The following EIF2AK4 variants were observed in gnomAD, a reference collection of about 807,000 sequenced individuals.
The protein encoded by EIF2AK4 is eIF-2-alpha kinase GCN2.
Under a neutral mutation model 211.1 loss-of-function variants are expected in EIF2AK4, and 139 were observed. The observed-to-expected ratio is 0.66, with a 90% CI of 0.57 to 0.76. The LOEUF (loss-of-function observed/expected upper bound fraction) is 0.76. Among genes scored for constraint, EIF2AK4 ranks in the 30% least tolerant of loss-of-function variants. EIF2AK4 has a pLI of 0.00. For missense variants in EIF2AK4, 1,664 were observed against 2,043.8 expected (o/e 0.81, Z 3.58); for synonymous variants, 710 against 751.3 (o/e 0.94, Z 0.90).
At chr15:40,022,415 A>T in intron 31 of EIF2AK4, 104 bp from the exon 32 acceptor site, 1 of 962,856 alleles carries the variant, frequency 1.0e-6, no homozygotes. Context: ...TTAGTAATTC[A>T]CATTGAGAAT....
chr15:39,970,299 C>G (rs1329015454), intron 9 of EIF2AK4, among the ~76,000 whole-genome samples: 1 of 152,056 alleles, frequency 6.6e-6, no homozygotes, highest in Non-Finnish European at 1.5e-5. Context: ...CTTAAAAATA[C>G]TGTGCATTCT....
chr15:39,948,340 C>G (rs576117633), intron 3 of EIF2AK4, among the ~76,000 whole-genome samples: 5 of 152,314 alleles, frequency 3.3e-5, no homozygotes, highest in African/African-American at 1.2e-4. Flanking sequence ...TTATGTTCCT[C>G]ATCCACCAAA....
At chr15:39,987,506 C>G (rs1374315209) in intron 14 of EIF2AK4, among the ~76,000 whole-genome samples, 2 of 152,104 alleles carry the variant, frequency 1.3e-5, no homozygotes, top group Non-Finnish European at 2.9e-5. Flanking sequence ...TGAGACAGAG[C>G]CCCTGTGTCA....
intron 9 of EIF2AK4, among the ~76,000 whole-genome samples, chr15:39,969,283 C>T (rs1229154444): frequency 6.6e-6 from 1 of 150,768 alleles, no homozygotes. Context: ...GTAGGTAAAA[C>T]TTTCCTAGTT....
intron 7 of EIF2AK4, among the ~76,000 whole-genome samples, chr15:39,965,424 A>C (rs1307210034): frequency 6.6e-6 from 1 of 152,104 alleles, no homozygotes; most frequent in East Asian, 1.9e-4. Context: ...ACGCCTGGCC[A>C]AACATTGGTC....
At chr15:39,943,640 C>T (rs891593817) in intron 3 of EIF2AK4, among the ~76,000 whole-genome samples, 155 bp downstream of exon 3, 2 of 152,066 alleles carry the variant, frequency 1.3e-5, no homozygotes, top group African/African-American at 4.8e-5. Flanking sequence ...AATTTGTAGT[C>T]TATAGATGGT....
chr15:40,017,630 G>A (rs1477273471), intron 29 of EIF2AK4, among the ~76,000 whole-genome samples: 4 of 146,172 alleles, frequency 2.7e-5, no homozygotes, highest in East Asian at 2.0e-4. Flanking sequence ...CAGCAGCCTC[G>A]ACCTCCCTGG....
At chr15:39,979,076 C>T (rs2034742912) in intron 13 of EIF2AK4, among the ~76,000 whole-genome samples, 1 of 152,332 alleles carries the variant, frequency 6.6e-6, no homozygotes, top group African/African-American at 2.4e-5. Flanking sequence ...TTCAATGTAA[C>T]TCTGAAGCTA....
intron 29 of EIF2AK4, among the ~76,000 whole-genome samples, chr15:40,017,501 C>CTTTATT (rs1363648720): frequency 7.7e-5 from 2 of 26,126 alleles, no homozygotes; most frequent in African/African-American, 1.6e-4. Context: ...TACTCTGTTT[C>CTTTATT]TATATATATA....
chr15:39,977,160 C>CAAAAG, intron 12 of EIF2AK4: 2 of 223,830 alleles, frequency 8.9e-6, no homozygotes, highest in Non-Finnish European at 1.7e-5. Context: ...CAAAACAAAA[C>CAAAAG]CACCACTTTT....
chr15:39,999,131 T>A (rs867263986), intron 20 of EIF2AK4, among the ~76,000 whole-genome samples: 1 of 152,144 alleles, frequency 6.6e-6, no homozygotes, highest in Non-Finnish European at 1.5e-5. Context: ...GAAAAAAATA[T>A]AATTTAAAAC....
intron 3 of EIF2AK4, among the ~76,000 whole-genome samples, chr15:39,946,048 T>C (rs2034223505): frequency 6.6e-6 from 1 of 152,252 alleles, no homozygotes; most frequent in African/African-American, 2.4e-5. Flanking sequence ...AGATTAATGT[T>C]GTTTTCATGC....
In EIF2AK4 at chr15:40,020,892, G is replaced by C; in HGVS notation, c.4174-7G>C. On this transcript the variant is annotated splice_polypyrimidine_tract_variant and splice_region_variant and intron_variant, in intron 30 of 38. Coordinates refer to ENST00000263791, the MANE Select transcript of EIF2AK4 (RefSeq NM_001013703.4). ...CTCTAACTGTAACCGGTCTGTTTCT[G>C]ATCCAGGTTACAATAAGCTCTTGTG... 1.2e-6 allele frequency: 2 copies of C among 1,606,526 alleles called. No individual in the cohort carries two copies. The highest frequency in any genetic ancestry group is 1.7e-6 in the Non-Finnish European group (2 of 1,176,338).
At chr15:39,978,746 T>A (rs1051578413) in intron 13 of EIF2AK4, among the ~76,000 whole-genome samples, 1 of 152,214 alleles carries the variant, frequency 6.6e-6, no homozygotes. Context: ...TCATAATTTT[T>A]TTTTGAGATT....
intron 7 of EIF2AK4, among the ~76,000 whole-genome samples, chr15:39,963,559 T>A (rs2034501905): frequency 6.6e-6 from 1 of 152,210 alleles, no homozygotes; most frequent in Non-Finnish European, 1.5e-5. Context: ...TACTAATTTT[T>A]TTATTTTCAA....
At chr15:40,032,880 C>T (rs1032076526) in intron 37 of EIF2AK4, 79 bp downstream of exon 37, 18 of 1,232,478 alleles carry the variant, frequency 1.5e-5, no homozygotes, top group Admixed American at 1.3e-4. Context: ...ATACTGAAGA[C>T]GGCATTCATT....
At chr15:39,985,969 A>G in intron 14 of EIF2AK4, 81 bp downstream of exon 14, 5 of 1,259,232 alleles carry the variant, frequency 4.0e-6, no homozygotes, top group Non-Finnish European at 4.5e-6. Context: ...TTAGAACAAG[A>G]TAATGGACAG....
chr15:39,960,623 C>T (rs144808856), intron 6 of EIF2AK4, among the ~76,000 whole-genome samples: 3 of 151,506 alleles, frequency 2.0e-5, no homozygotes, highest in Non-Finnish European at 2.9e-5. Context: ...CAGGATGGGG[C>T]GGGTGGTGCA....
chr15:40,018,037 T>C (rs978917780), intron 29 of EIF2AK4, among the ~76,000 whole-genome samples: 1 of 152,212 alleles, frequency 6.6e-6, no homozygotes, highest in Non-Finnish European at 1.5e-5. Flanking sequence ...GTAGAAACTT[T>C]ATCTCCCTGT....
Sources: allele counts gnomAD v4.1 joint callset (sites outside exome capture counted in the v4.1 genomes callset), GRCh38; gene constraint gnomAD v4.1.1; transcripts MANE v1.5; gene names NCBI Gene and HGNC (gene_info 2026-07-23, HGNC 2026-07-21).